Variants in ADGRL3 observed in about 807,000 individuals in gnomAD.
ADGRL3 encodes adhesion G protein-coupled receptor L3.
ADGRL3 carries 62 observed loss-of-function variants against 153.5 expected under a neutral mutation model. That is an observed-to-expected ratio of 0.40 (90% CI 0.33 to 0.50). The LOEUF (loss-of-function observed/expected upper bound fraction) is 0.50, where lower values mean the gene tolerates loss of function less well. Ranked by LOEUF, ADGRL3 falls within the 20% of genes least tolerant of loss-of-function variation. The pLI is 0.47. For missense variants in ADGRL3, 1,641 were observed against 1,859.4 expected, an observed-to-expected ratio of 0.88 and a Z score of 2.16; for synonymous variants, 710 against 672.5, an observed-to-expected ratio of 1.06 and a Z score of -0.86.
chr4:61,313,436 T>TAC (rs1055150607), intron 1 of ADGRL3, among the ~76,000 whole-genome samples: 1 of 152,164 alleles, frequency 6.6e-6, no homozygotes, highest in Non-Finnish European at 1.5e-5. Context: ...GTAAAAAATG[T>TAC]ACCACAGGAA....
At chr4:61,971,446 T>A (rs1374350353) in intron 17 of ADGRL3, among the ~76,000 whole-genome samples, 2 of 152,164 alleles carry the variant, frequency 1.3e-5, no homozygotes, top group East Asian at 3.9e-4. Context: ...CTGAGAATGA[T>A]GATTTCCAAT....
intron 2 of ADGRL3, among the ~76,000 whole-genome samples, chr4:61,475,446 A>G (rs937099618): frequency 3.9e-5 from 6 of 152,122 alleles, no homozygotes; most frequent in African/African-American, 7.2e-5. Context: ...CCGTGGTCCT[A>G]TATCTTTCTT....
chr4:61,637,564 G>A (rs1277674347), intron 5 of ADGRL3, among the ~76,000 whole-genome samples: 1 of 152,136 alleles, frequency 6.6e-6, no homozygotes, highest in Non-Finnish European at 1.5e-5. Flanking sequence ...AGGAGTTTGA[G>A]ACCAGCCTGG....
At chr4:61,599,331 A>G (rs889752969) in intron 5 of ADGRL3, among the ~76,000 whole-genome samples, 4 of 152,178 alleles carry the variant, frequency 2.6e-5, no homozygotes, top group African/African-American at 9.7e-5. Flanking sequence ...GAAACAAGGT[A>G]GGTCAGATAA....
At chr4:61,515,117 A>C (rs1219778752) in intron 3 of ADGRL3, among the ~76,000 whole-genome samples, 1 of 152,172 alleles carries the variant, frequency 6.6e-6, no homozygotes, top group Non-Finnish European at 1.5e-5. Context: ...ACCCTGGCTT[A>C]CAAAGCTCAT....
intron 8 of ADGRL3, among the ~76,000 whole-genome samples, chr4:61,792,264 C>T (rs1415703326): frequency 6.6e-6 from 1 of 152,108 alleles, no homozygotes. Flanking sequence ...CTTTCAAGTT[C>T]AACGTTTCAC....
chr4:61,455,898 C>T (rs1311580168), intron 2 of ADGRL3, among the ~76,000 whole-genome samples: 1 of 151,962 alleles, frequency 6.6e-6, no homozygotes, highest in Non-Finnish European at 1.5e-5. Context: ...TCGCTACAGC[C>T]TCCACCTCCT....
chr4:61,886,829 G>A (rs1165930935), intron 9 of ADGRL3, among the ~76,000 whole-genome samples: 6 of 151,062 alleles, frequency 4.0e-5, no homozygotes, highest in Non-Finnish European at 7.4e-5. Context: ...TGTATTTTTA[G>A]TAGAGACAGG....
chr4:61,935,043 C>A lies in ADGRL3; in HGVS notation c.2296+20C>A. On this transcript the variant is annotated intron_variant, in intron 14 of 26. Coordinates refer to ENST00000683033, the MANE Select transcript of ADGRL3 (RefSeq NM_001387552.1). ...ATATTAGTAAGTGGCCTTTGTTATT[C>A]AGAAGGTCCAGACACTCTTGTATAT... 6.2e-7 allele frequency: 1 copy of A among 1,604,376 alleles called. No individual in the cohort carries two copies. The highest frequency in any genetic ancestry group is 8.5e-7 in the Non-Finnish European group (1 of 1,171,806).
At chr4:61,859,485 G>C (rs1319841764) in intron 9 of ADGRL3, among the ~76,000 whole-genome samples, 1 of 152,080 alleles carries the variant, frequency 6.6e-6, no homozygotes, top group African/African-American at 2.4e-5. Context: ...AAAATGATTA[G>C]TTAAAAACAC....
intron 8 of ADGRL3, among the ~76,000 whole-genome samples, chr4:61,773,219 A>C (rs1463212310): frequency 6.6e-6 from 1 of 152,208 alleles, no homozygotes. Context: ...CTGCACTAGC[A>C]CCAGAGACTT....
At chr4:61,507,629 G>C (rs540092705) in intron 3 of ADGRL3, among the ~76,000 whole-genome samples, 3 of 151,712 alleles carry the variant, frequency 2.0e-5, no homozygotes, top group Admixed American at 2.0e-4. Context: ...CACAGGTTGT[G>C]GGGGGGGACT....
chr4:62,044,203 T>C (rs1351147070), intron 24 of ADGRL3, among the ~76,000 whole-genome samples: 1 of 152,080 alleles, frequency 6.6e-6, no homozygotes, highest in Non-Finnish European at 1.5e-5. Flanking sequence ...TTTACATTTA[T>C]TTCTTTTTTC....
chr4:61,235,159 C>A (rs1752345641), intron 1 of ADGRL3, among the ~76,000 whole-genome samples: 1 of 152,138 alleles, frequency 6.6e-6, no homozygotes, highest in East Asian at 1.9e-4. Flanking sequence ...AGATGACACT[C>A]AGTAAATGTT....
At chr4:61,506,521 A>C (rs1164683788) in intron 3 of ADGRL3, among the ~76,000 whole-genome samples, 1 of 152,122 alleles carries the variant, frequency 6.6e-6, no homozygotes, top group African/African-American at 2.4e-5. Flanking sequence ...ACTAATGAAC[A>C]TCTTAAGCTT....
intron 5 of ADGRL3, among the ~76,000 whole-genome samples, chr4:61,637,147 G>C (rs1283341401): frequency 2.0e-5 from 3 of 152,116 alleles, no homozygotes; most frequent in Non-Finnish European, 4.4e-5. Flanking sequence ...CTCAGAACAT[G>C]ATCTTATTAG....
chr4:61,347,467 G>A (rs2095944153), intron 1 of ADGRL3, among the ~76,000 whole-genome samples: 1 of 151,996 alleles, frequency 6.6e-6, no homozygotes, highest in African/African-American at 2.4e-5. Context: ...TACTTAGAAT[G>A]GTGTTTTGAA....
intron 3 of ADGRL3, among the ~76,000 whole-genome samples, chr4:61,511,726 T>C (rs1184162041): frequency 1.3e-5 from 2 of 152,152 alleles, no homozygotes; most frequent in Non-Finnish European, 2.9e-5. Flanking sequence ...TACCATAAAA[T>C]TGGCTTCATG....
chr4:61,272,326 C>T (rs2093232851), intron 1 of ADGRL3, among the ~76,000 whole-genome samples: 1 of 151,374 alleles, frequency 6.6e-6, no homozygotes, highest in Non-Finnish European at 1.5e-5. Flanking sequence ...GTCATCAGCC[C>T]TAGGTTTTAA....
Sources: allele counts gnomAD v4.1 joint callset (sites outside exome capture counted in the v4.1 genomes callset), GRCh38; gene constraint gnomAD v4.1.1; transcripts MANE v1.5; gene names NCBI Gene and HGNC (gene_info 2026-07-23, HGNC 2026-07-21).